Variants in ASTN2 observed in about 807,000 individuals in gnomAD.
ASTN2 encodes astrotactin-2.
ASTN2 carries 54 observed loss-of-function variants against 139.8 expected under a neutral mutation model. That is an observed-to-expected ratio of 0.39 (90% confidence interval 0.31 to 0.48). ASTN2 has a LOEUF of 0.48. Ranked by LOEUF, ASTN2 falls within the 20% of genes least tolerant of loss-of-function variation. The pLI is 0.95. For synonymous variants in ASTN2, 756 were observed against 719.5 expected (o/e 1.05, Z -0.81); for missense variants, 1,565 against 1,725.1 (o/e 0.91, Z 1.64).
intron 16 of ASTN2, among the ~76,000 whole-genome samples, chr9:116,723,711 G>A (rs1030792612): frequency 5.3e-5 from 8 of 152,096 alleles, no homozygotes; most frequent in African/African-American, 1.2e-4. Context: ...AAATAAAACC[G>A]GAGTATTTGA....
Position 116,459,489 on chromosome 9 carries a change from T to C in ASTN2, c.3498-16936A>G, listed in dbSNP as rs150310110. 4.2e-3 allele frequency among the ~76,000 whole-genome samples: 634 copies of C among 152,144 alleles called. 4 individuals carry two copies. Among genetic ancestry groups the C allele is most frequent in the African/African-American group, 0.015 (603 of 41,552 alleles). On this transcript the variant is annotated intron_variant, in intron 20 of 22. Transcript: ENST00000313400. ...TCAAAAGACAACTCATAAAATTAGA[T>C]AAAATGTTTACAGATTTCATATCTC...
intron 15 of ASTN2, among the ~76,000 whole-genome samples, chr9:116,726,496 A>C (rs770766938): frequency 1.3e-5 from 2 of 152,148 alleles, no homozygotes; most frequent in Non-Finnish European, 2.9e-5. Flanking sequence ...CACCACACCA[A>C]ACAAACCAGG....
chr9:116,801,593 A>G (rs75275829), intron 13 of ASTN2, among the ~76,000 whole-genome samples: 3 of 146,486 alleles, frequency 2.0e-5, no homozygotes, highest in African/African-American at 7.7e-5. Context: ...CTCAAAAAAA[A>G]AAAAAAAAAA....
chr9:116,580,717 A>C (rs927686729), intron 19 of ASTN2, among the ~76,000 whole-genome samples: 42 of 152,222 alleles, frequency 2.8e-4, no homozygotes, highest in Non-Finnish European at 5.9e-5. Context: ...AATCTTTTTT[A>C]AACCAAAGGG....
intron 19 of ASTN2, among the ~76,000 whole-genome samples, chr9:116,549,191 A>AGAG (rs1161631275): frequency 1.3e-5 from 2 of 151,628 alleles, no homozygotes; most frequent in South Asian, 2.1e-4. Context: ...TAAAAAGATC[A>AGAG]GAGGAGGAGG....
rs560454772 is a variant in ASTN2 at position 117,096,270 on chromosome 9, A to T, written c.1169-119T>A. On this transcript the variant is annotated intron_variant, in intron 4 of 22. Coordinates refer to ENST00000313400, the MANE Select transcript of ASTN2 (RefSeq NM_001365068.1). ...AGACTTTTCTCTGTAAATCCCAAGC[A>T]ACCCAGGAGTCAGTGTGATAAATGG... is the stretch of plus-strand genomic sequence containing the variant. 4.3e-5 allele frequency: 32 copies of T among 742,252 alleles called. No homozygotes were observed. The South Asian group carries it at 5.1e-4, about 12-fold the overall frequency. The allele number at this position is 742,252 out of a possible 1,614,324, so 46.0% of individuals were successfully genotyped here. A position where few individuals can be genotyped will look rare whatever the true frequency, so the allele number is the denominator to read the frequency against.
rs1372282107 is a variant in ASTN2 at position 117,291,475 on chromosome 9, A to G, written c.481T>C (p.Trp161Arg). The G allele has an allele frequency of 6.2e-7, 1 of 1,613,448 alleles. No homozygotes were observed. The highest frequency in any genetic ancestry group is 8.5e-7 in the Non-Finnish European group (1 of 1,179,676). ...CCATTCTCCAGCCACTGCTGTCTCC[A>G]GTGCACCAGCGAGATGTCCGCTGCT... ...GTAADISLVH[W>R]RQQWLENGTL... is the part of the protein sequence containing the mutation. The change falls in exon 2 of 23, where the codon TGG (tryptophan) becomes CGG (arginine). Residue 161 changes from tryptophan to arginine, a missense_variant. Trp to Arg is a moderately radical substitution (Grantham distance 101, BLOSUM62 -3). Transcript: ENST00000313400.
intron 20 of ASTN2, among the ~76,000 whole-genome samples, chr9:116,463,833 G>C (rs1015879733): frequency 6.6e-6 from 1 of 151,792 alleles, no homozygotes; most frequent in African/African-American, 2.4e-5. Flanking sequence ...AGGGCCTCAG[G>C]GTCTTGCAAT....
intron 13 of ASTN2, among the ~76,000 whole-genome samples, chr9:116,780,452 C>G (rs1459504546): frequency 6.6e-6 from 1 of 152,132 alleles, no homozygotes; most frequent in Admixed American, 6.6e-5. Context: ...AATCAGCGAC[C>G]TTGGTTTAGG....
chr9:117,390,130 C>A (rs1465328232), intron 1 of ASTN2, among the ~76,000 whole-genome samples: 1 of 152,144 alleles, frequency 6.6e-6, no homozygotes, highest in Non-Finnish European at 1.5e-5. Flanking sequence ...TCAGTTATTA[C>A]AATTTAGCCT....
At chr9:117,209,693 A>G (rs888337108) in intron 3 of ASTN2, among the ~76,000 whole-genome samples, 3 of 152,170 alleles carry the variant, frequency 2.0e-5, no homozygotes, top group Non-Finnish European at 1.5e-5. Context: ...ACTTCACTAT[A>G]GACCAAATGG....
At chr9:117,404,905 T>A (rs968098580) in intron 1 of ASTN2, among the ~76,000 whole-genome samples, 1 of 151,460 alleles carries the variant, frequency 6.6e-6, no homozygotes, top group African/African-American at 2.4e-5. Context: ...GTGGAAAGAA[T>A]AGAGGGAGGG....
At chr9:116,776,490 G>A (rs745692265) in intron 13 of ASTN2, among the ~76,000 whole-genome samples, 1 of 152,148 alleles carries the variant, frequency 6.6e-6, no homozygotes, top group Non-Finnish European at 1.5e-5. Context: ...AAGTGTCCGC[G>A]CTTGAAACCT....
intron 1 of ASTN2, among the ~76,000 whole-genome samples, chr9:117,356,430 T>C (rs1264581442): frequency 6.6e-6 from 1 of 152,200 alleles, no homozygotes; most frequent in Non-Finnish European, 1.5e-5. Flanking sequence ...ATGAAATCAT[T>C]TACTGCAAGT....
Position 116,975,357 on chromosome 9 carries a change from G to C in ASTN2, c.1752-12C>G. 1 of 1,591,530 alleles carries C rather than the reference G, an allele frequency of 6.3e-7. No homozygotes were observed. The highest frequency in any genetic ancestry group is 8.5e-7 in the Non-Finnish European group (1 of 1,169,708). ...AGCTGAAAGTAGACCTGCAATGTAA[G>C]AGTTTCCATTGGGGAACTCCCTGGG... On this transcript the variant is annotated splice_polypyrimidine_tract_variant and intron_variant, in intron 9 of 22. Coordinates refer to ENST00000313400, the MANE Select transcript of ASTN2 (RefSeq NM_001365068.1).
intron 2 of ASTN2, among the ~76,000 whole-genome samples, chr9:117,240,718 T>C (rs777789458): frequency 2.0e-5 from 3 of 152,164 alleles, no homozygotes; most frequent in Non-Finnish European, 4.4e-5. Flanking sequence ...TTCTCCTTAA[T>C]AGGGATCTCT....
chr9:116,824,224 A>G (rs893331695), intron 11 of ASTN2, among the ~76,000 whole-genome samples: 1 of 152,204 alleles, frequency 6.6e-6, no homozygotes, highest in Non-Finnish European at 1.5e-5. Context: ...AGCTTCAAAG[A>G]TGGTCCCCAG....
rs199699832 is a variant in ASTN2 at position 116,698,221 on chromosome 9, T to C, written c.2806+27550A>G. The C allele has an allele frequency of 2.6e-5, 42 of 1,613,960 alleles. No homozygotes were observed. The highest frequency in any genetic ancestry group is 8.3e-5 in the Admixed American group (5 of 59,996). ...AAGTTAACTCGTCTGCGGGAACTTA[T>C]GGGGGAGCTGCAGCGGCGGAAGGCA... On this transcript the variant is annotated intron_variant, in intron 16 of 22. Coordinates refer to ENST00000313400, the MANE Select transcript of ASTN2 (RefSeq NM_001365068.1). This position sits in a 1 kb window ranked among gnomAD's most constrained non-coding sequence, Gnocchi z 4.4.
At chr9:117,406,139 C>T (rs1234400718) in intron 1 of ASTN2, among the ~76,000 whole-genome samples, 6 of 152,176 alleles carry the variant, frequency 3.9e-5, no homozygotes, top group Non-Finnish European at 8.8e-5. Flanking sequence ...TGAGTCACCA[C>T]AGCCCCAGAG....
Sources: gnomAD v4.1 joint callset for allele counts (sites outside exome capture counted in the v4.1 genomes callset) on GRCh38, gnomAD v4.1.1 for gene constraint, Gnocchi (gnomAD v3.1) non-coding constraint, MANE v1.5 for transcripts, NCBI Gene and HGNC (gene_info 2026-07-23, HGNC 2026-07-21) for gene names.